Variants in PAX3 observed in about 807,000 individuals in gnomAD.
The protein encoded by PAX3 is paired box protein Pax-3.
In PAX3, 14 loss-of-function variants were observed where a neutral mutation model predicts 51.6. The ratio of observed to expected loss-of-function variants is 0.27; its 90% CI spans 0.18 to 0.42. The LOEUF is 0.42. Ranked by LOEUF, PAX3 falls within the 10% of genes least tolerant of loss-of-function variation. The pLI is 1.00. For synonymous variants in PAX3, 280 were observed against 253.4 expected (o/e 1.11, Z -1.00); for missense variants, 540 against 642.8 (o/e 0.84, Z 1.73).
At chr2:222,279,827 A>G (rs1278203899) in intron 4 of PAX3, among the ~76,000 whole-genome samples, 1 of 152,216 alleles carries the variant, frequency 6.6e-6, no homozygotes, top group Non-Finnish European at 1.5e-5. Context: ...ATTCAGAAAA[A>G]AAATTGGCTC....
intron 4 of PAX3, among the ~76,000 whole-genome samples, chr2:222,288,961 T>C (rs1694930651): frequency 1.3e-5 from 2 of 152,232 alleles, no homozygotes; most frequent in South Asian, 4.1e-4. Context: ...TTTTAATGTG[T>C]AACAATGGTA....
At chr2:222,223,462 T>C (rs748803529) in intron 5 of PAX3, among the ~76,000 whole-genome samples, 2 of 152,190 alleles carry the variant, frequency 1.3e-5, no homozygotes, top group Non-Finnish European at 2.9e-5. Context: ...TCTGAGTGCC[T>C]GTTACCACGG....
intron 4 of PAX3, among the ~76,000 whole-genome samples, chr2:222,279,731 T>C (rs1694568878): frequency 1.3e-5 from 2 of 152,180 alleles, no homozygotes; most frequent in East Asian, 1.9e-4. Context: ...ATAGAAAAGA[T>C]ACATTTCAGG....
At chr2:222,224,575 T>A (rs1182348568) in intron 5 of PAX3, among the ~76,000 whole-genome samples, 2 of 152,212 alleles carry the variant, frequency 1.3e-5, no homozygotes, top group African/African-American at 4.8e-5. Context: ...CTATTTTTAG[T>A]AGACTAAAAA....
chr2:222,259,250 A>G (rs1002995750), intron 4 of PAX3, among the ~76,000 whole-genome samples: 1 of 152,176 alleles, frequency 6.6e-6, no homozygotes, highest in African/African-American at 2.4e-5. Flanking sequence ...AACTTATCCA[A>G]CAGAACATCA....
At chr2:222,271,240 T>C (rs1185410680) in intron 4 of PAX3, among the ~76,000 whole-genome samples, 4 of 152,226 alleles carry the variant, frequency 2.6e-5, no homozygotes, top group African/African-American at 9.6e-5. Context: ...TGGTTATATC[T>C]GGTGTAGAAC....
At chr2:222,284,612 C>T (rs1382670799) in intron 4 of PAX3, among the ~76,000 whole-genome samples, 3 of 150,334 alleles carry the variant, frequency 2.0e-5, no homozygotes, top group Non-Finnish European at 4.4e-5. Context: ...TGTCTGTGTG[C>T]GTGTGTGTGT....
intron 7 of PAX3, among the ~76,000 whole-genome samples, chr2:222,216,725 CAGAGAG>C (rs111690098): frequency 6.0e-5 from 9 of 150,028 alleles, no homozygotes; most frequent in Non-Finnish European, 1.2e-4. Flanking sequence ...CACACACACA[CAGAGAG>C]AGAGAGAGAG....
chr2:222,226,422 G>A (rs1341188882), intron 5 of PAX3, among the ~76,000 whole-genome samples: 1 of 152,102 alleles, frequency 6.6e-6, no homozygotes, highest in African/African-American at 2.4e-5. Context: ...GATTGAACAG[G>A]AGGAAGGCCA....
Position 222,221,302 on chromosome 2 carries a change from C to G in PAX3, c.878G>C (p.Gly293Ala). 1 of 1,614,014 alleles carries G rather than the reference C, an allele frequency of 6.2e-7. No homozygotes were observed. Among genetic ancestry groups the G allele is most frequent in the Non-Finnish European group, 8.5e-7 (1 of 1,179,938 alleles). The change falls in exon 6 of 9, where the codon GGG (glycine) becomes GCG (alanine). Residue 293 changes from glycine to alanine, a missense_variant. Physicochemically the swap from Gly to Ala is moderately conservative, Grantham distance 60 (BLOSUM62 0). Coordinates refer to ENST00000392070, the MANE Select transcript of PAX3 (RefSeq NM_181458.4). ...GGTCGGCATGGCAGTGGGAGGGAAC[C>G]CCCCGGGAATGAGATGGTTGAAAGC... is the stretch of plus-strand genomic sequence containing the variant. Reference protein sequence around the residue: ...LMAFNHLIPGGFPPTAMPTLP... With the variant: ...LMAFNHLIPGAFPPTAMPTLP...
chr2:222,294,948 A>G (rs1452038505), intron 3 of PAX3, among the ~76,000 whole-genome samples: 4 of 151,926 alleles, frequency 2.6e-5, no homozygotes, highest in African/African-American at 9.7e-5. Context: ...CCATGCTCTG[A>G]AATATGTTTC....
At chr2:222,239,318 G>A (rs1355117505) in intron 4 of PAX3, among the ~76,000 whole-genome samples, 1 of 123,252 alleles carries the variant, frequency 8.1e-6, no homozygotes, top group Non-Finnish European at 1.7e-5. Flanking sequence ...AGAAAGGGGA[G>A]GTTGGGGTGG....
chr2:222,285,663 T>G (rs1399149626), intron 4 of PAX3, among the ~76,000 whole-genome samples: 1 of 152,252 alleles, frequency 6.6e-6, no homozygotes, highest in Non-Finnish European at 1.5e-5. Context: ...TAACTTTTCT[T>G]TCTTAATATT....
chr2:222,210,443 A>G (rs1691681489), intron 7 of PAX3, among the ~76,000 whole-genome samples: 1 of 152,184 alleles, frequency 6.6e-6, no homozygotes, highest in Non-Finnish European at 1.5e-5. Flanking sequence ...ATTGTTATAG[A>G]AGATGGACTG....
intron 4 of PAX3, among the ~76,000 whole-genome samples, chr2:222,253,013 C>A (rs1427416551): frequency 6.6e-6 from 1 of 152,198 alleles, no homozygotes; most frequent in Non-Finnish European, 1.5e-5. Flanking sequence ...CCTCACTCCC[C>A]AATCCTATGC....
intron 4 of PAX3, among the ~76,000 whole-genome samples, chr2:222,243,388 A>G (rs558287179): frequency 2.0e-5 from 3 of 152,378 alleles, no homozygotes; most frequent in African/African-American, 7.2e-5. Flanking sequence ...AGAAACATTT[A>G]TTAAATGCCT....
chr2:222,219,150 C>T (rs1692085007), intron 7 of PAX3, among the ~76,000 whole-genome samples: 1 of 152,116 alleles, frequency 6.6e-6, no homozygotes, highest in Non-Finnish European at 1.5e-5. Flanking sequence ...CGGTGATAGT[C>T]AGTGATTAGT....
At chr2:222,227,887 T>A (rs1692445252) in intron 5 of PAX3, among the ~76,000 whole-genome samples, 2 of 152,144 alleles carry the variant, frequency 1.3e-5, no homozygotes, top group African/African-American at 4.8e-5. Flanking sequence ...CTAAAGTTAT[T>A]ATAGCTTTAG....
chr2:222,289,417 T>C (rs1694948835), intron 4 of PAX3, among the ~76,000 whole-genome samples: 1 of 152,216 alleles, frequency 6.6e-6, no homozygotes, highest in South Asian at 2.1e-4. Context: ...CCTATTCACG[T>C]GATCGATTTC....
Sources: allele counts gnomAD v4.1 joint callset (sites outside exome capture counted in the v4.1 genomes callset), GRCh38; gene constraint gnomAD v4.1.1; transcripts MANE v1.5; gene names NCBI Gene and HGNC (gene_info 2026-07-23, HGNC 2026-07-21).